MAPK10: variants seen among roughly 807,000 people sequenced by gnomAD.
The protein encoded by MAPK10 is JNK3 alpha protein kinase.
A neutral mutation model predicts 59.3 loss-of-function variants in MAPK10; 25 were observed. The observed-to-expected ratio is 0.42, with a 90% CI of 0.31 to 0.59. The LOEUF is 0.59. MAPK10 is among the 20% of genes least tolerant of loss of function. MAPK10 has a pLI of 0.15. For synonymous variants in MAPK10, 190 were observed against 200.5 expected (o/e 0.95, Z 0.44); for missense variants, 351 against 568.9 (o/e 0.62, Z 3.90).
intron 1 of MAPK10, among the ~76,000 whole-genome samples, chr4:86,581,825 T>C (rs1467377779): frequency 6.8e-6 from 1 of 147,202 alleles, no homozygotes; most frequent in Non-Finnish European, 1.5e-5. Flanking sequence ...CCAACTGAGC[T>C]GTATGTTCTT....
At chr4:86,385,489 T>C (rs1305063384) in intron 1 of MAPK10, among the ~76,000 whole-genome samples, 1 of 152,236 alleles carries the variant, frequency 6.6e-6, no homozygotes, top group African/African-American at 2.4e-5. Flanking sequence ...ACATTTCTTA[T>C]ACATATTTCT....
chr4:86,491,337 T>G (rs1456068681), intron 1 of MAPK10, among the ~76,000 whole-genome samples: 2 of 152,234 alleles, frequency 1.3e-5, no homozygotes, highest in African/African-American at 4.8e-5. Flanking sequence ...ACATGGTTGA[T>G]GGTACCAGAG....
intron 2 of MAPK10, among the ~76,000 whole-genome samples, chr4:86,264,293 G>A (rs183853446): frequency 2.1e-4 from 32 of 152,230 alleles, no homozygotes; most frequent in African/African-American, 6.7e-4. Flanking sequence ...ATCTGGCACA[G>A]TTGCCATTCC....
chr4:86,170,489 A>G (rs1446406643), intron 3 of MAPK10, among the ~76,000 whole-genome samples: 1 of 152,196 alleles, frequency 6.6e-6, no homozygotes, highest in African/African-American at 2.4e-5. Flanking sequence ...GCCATTACAT[A>G]ATGGTAAAGG....
chr4:86,077,395 G>T (rs2049720893), intron 9 of MAPK10, among the ~76,000 whole-genome samples: 1 of 152,080 alleles, frequency 6.6e-6, no homozygotes, highest in South Asian at 2.1e-4. Flanking sequence ...GCAATTTTTG[G>T]GCCTCTCATT....
At chr4:86,504,133 T>C (rs1755543392) in intron 1 of MAPK10, among the ~76,000 whole-genome samples, 1 of 152,162 alleles carries the variant, frequency 6.6e-6, no homozygotes, top group Non-Finnish European at 1.5e-5. Flanking sequence ...GTTATTTGTG[T>C]AATATTTTTT....
rs1185898956 is a variant in MAPK10 at position 86,593,765 on chromosome 4, GTTGCTATA to G, written c.-263+137_-263+144del. On this transcript the variant is annotated intron_variant, in intron 1 of 4. Coordinates refer to the MAPK10 transcript ENST00000502302. ...TTTTCGTTGACCCCGCCATTTCTAA[GTTGCTATA>G]TTGCTGCAAGGAGCTGGCAAAGCCA... is the stretch of plus-strand genomic sequence containing the variant. The G allele has an allele frequency of 2.6e-5, 4 of 152,262 alleles. No homozygotes were observed. The East Asian group carries it at 7.7e-4, about 29-fold the overall frequency. 9.4% of individuals were successfully genotyped at this position (152,262 alleles called of 1,614,324 possible).
chr4:86,470,279 T>G (rs1304409061), intron 1 of MAPK10, among the ~76,000 whole-genome samples: 1 of 152,204 alleles, frequency 6.6e-6, no homozygotes, highest in Non-Finnish European at 1.5e-5. Flanking sequence ...TAATTTAGTT[T>G]GTAACTGAAA....
chr4:86,506,550 CAGA>C (rs1755753857), intron 1 of MAPK10, among the ~76,000 whole-genome samples: 1 of 152,102 alleles, frequency 6.6e-6, no homozygotes, highest in Admixed American at 6.5e-5. Flanking sequence ...TGTGTTCCCC[CAGA>C]AGAAGACCAT....
chr4:86,340,725 T>C (rs928883309), intron 2 of MAPK10, among the ~76,000 whole-genome samples: 1 of 152,132 alleles, frequency 6.6e-6, no homozygotes, highest in South Asian at 2.1e-4. Flanking sequence ...TGTGACCTAA[T>C]ACCAGATAGA....
At chr4:86,109,750 C>G (rs1052927443) in intron 4 of MAPK10, among the ~76,000 whole-genome samples, 1 of 152,128 alleles carries the variant, frequency 6.6e-6, no homozygotes, top group South Asian at 2.1e-4. Context: ...GGTATATACC[C>G]GGTAATGGAA....
At chr4:86,475,562 G>A (rs549328562) in intron 1 of MAPK10, among the ~76,000 whole-genome samples, 130 of 152,210 alleles carry the variant, frequency 8.5e-4, no homozygotes, top group Middle Eastern at 3.4e-3. Context: ...TCACGGACTC[G>A]GGAAGACAGT....
intron 2 of MAPK10, among the ~76,000 whole-genome samples, chr4:86,251,594 G>T (rs1296088922): frequency 7.5e-6 from 1 of 134,132 alleles, no homozygotes; most frequent in Non-Finnish European, 1.6e-5. Context: ...ATTTGGGTTG[G>T]TTCCAAGTCT....
intron 1 of MAPK10, among the ~76,000 whole-genome samples, chr4:86,497,474 T>A (rs570878373): frequency 1.3e-5 from 2 of 152,206 alleles, no homozygotes; most frequent in East Asian, 3.9e-4. Context: ...GTAGGACCAA[T>A]GGAGTGCAGC....
intron 1 of MAPK10, among the ~76,000 whole-genome samples, chr4:86,568,543 C>T (rs1251874406): frequency 6.6e-6 from 1 of 152,088 alleles, no homozygotes; most frequent in African/African-American, 2.4e-5. Context: ...TCAAATTATA[C>T]TATAACCAAG....
chr4:86,107,523 G>T, intron 4 of MAPK10, 171 bp from the exon 5 acceptor site: 1 of 1,286,074 alleles, frequency 7.8e-7, no homozygotes, highest in Non-Finnish European at 9.8e-7. Flanking sequence ...ACTGGCATAA[G>T]AATATTCTAC....
chr4:86,364,805 C>CCCT (rs532079336), upstream of MAPK10, among the ~76,000 whole-genome samples: 22 of 152,000 alleles, frequency 1.4e-4, no homozygotes, highest in South Asian at 4.6e-3. Context: ...CATGGTGAAA[C>CCCT]CCTGTCTCTA....
At chr4:86,506,940 T>C (rs1268086750) in intron 1 of MAPK10, among the ~76,000 whole-genome samples, 1 of 152,098 alleles carries the variant, frequency 6.6e-6, no homozygotes, top group African/African-American at 2.4e-5. Flanking sequence ...ACTAATACAA[T>C]ATACATAAAA....
At chr4:86,350,628 G>A (rs1730835399) in intron 2 of MAPK10, among the ~76,000 whole-genome samples, 1 of 152,154 alleles carries the variant, frequency 6.6e-6, no homozygotes, top group African/African-American at 2.4e-5. Flanking sequence ...GGATTACAAA[G>A]GCTTGAGCCA....
Sources: allele counts gnomAD v4.1 joint callset (sites outside exome capture counted in the v4.1 genomes callset), GRCh38; gene constraint gnomAD v4.1.1; transcripts MANE v1.5; gene names NCBI Gene and HGNC (gene_info 2026-07-23, HGNC 2026-07-21).